RAD9B: variants seen among roughly 807,000 people sequenced by gnomAD.
RAD9B encodes cell cycle checkpoint control protein RAD9B.
Under a neutral mutation model 48.3 loss-of-function variants are expected in RAD9B, and 41 were observed. The observed-to-expected ratio is 0.85, with a 90% confidence interval of 0.66 to 1.10. The LOEUF (loss-of-function observed/expected upper bound fraction) is 1.10, where lower values mean the gene tolerates loss of function less well. Among genes scored for constraint, RAD9B ranks in the 50% least tolerant of loss-of-function variants. RAD9B has a pLI of 0.00. For synonymous variants in RAD9B, 160 were observed against 157.9 expected, an observed-to-expected ratio of 1.01 and a Z score of -0.10; for missense variants, 444 against 485.1, an observed-to-expected ratio of 0.92 and a Z score of 0.80.
At chr12:110,506,927 C>A (rs562118023) in intron 4 of RAD9B, among the ~76,000 whole-genome samples, 11 of 151,982 alleles carry the variant, frequency 7.2e-5, no homozygotes, top group Admixed American at 5.9e-4. Flanking sequence ...GCGACCTCCA[C>A]CTCGTGGGTT....
intron 1 of RAD9B, 177 bp downstream of exon 1, chr12:110,502,560 A>G: frequency 1.5e-6 from 1 of 662,972 alleles, no homozygotes; most frequent in South Asian, 1.9e-5. Context: ...GAGGATGAGG[A>G]CCCATCTCGT....
chr12:110,532,488 T>C lies in RAD9B; in HGVS notation c.*1835T>C, dbSNP rs570009038. Among the ~76,000 whole-genome samples the C allele has an allele frequency of 5.9e-5, 9 of 152,300 alleles. No homozygotes were observed. The highest frequency in any genetic ancestry group is 6.8e-3 in the Middle Eastern group (2 of 294). ...TGGGAGGCCCAGGTGGGCGGATCAG[T>C]TGAGCCCAGCAGTTCAAGACTAGCC... On this transcript the variant is annotated 3_prime_UTR_variant, in exon 11 of 11. Coordinates refer to ENST00000409300, the MANE Select transcript of RAD9B (RefSeq NM_001286535.2).
chr12:110,515,991 T>C (rs900683528), intron 6 of RAD9B, among the ~76,000 whole-genome samples: 2 of 152,054 alleles, frequency 1.3e-5, no homozygotes, highest in Admixed American at 6.6e-5. Context: ...TTGGACACTT[T>C]GGGAGGCTGA....
intron 10 of RAD9B, among the ~76,000 whole-genome samples, chr12:110,523,720 C>T (rs1432272360): frequency 1.3e-5 from 2 of 152,084 alleles, no homozygotes; most frequent in Non-Finnish European, 2.9e-5. Context: ...GCTTCAGGTC[C>T]CTGAAATTCA....
chr12:110,531,549 T>C lies in RAD9B; in HGVS notation c.*896T>C, dbSNP rs968052540. 6.8e-7 allele frequency: 1 copy of C among 1,471,396 alleles called. No homozygotes were observed. The highest frequency in any genetic ancestry group is 9.5e-7 in the Non-Finnish European group (1 of 1,054,796). 91.1% of individuals were successfully genotyped at this position (1,471,396 alleles called of 1,614,324 possible). On this transcript the variant is annotated 3_prime_UTR_variant, in exon 11 of 11. Transcript: ENST00000409300. ...TCCTAACCTCAAATTGTTCTGATTTTCAGATGTGATTTTTTATTTTGCAGT... is the reference window on the plus strand; with the variant it reads ...TCCTAACCTCAAATTGTTCTGATTTCCAGATGTGATTTTTTATTTTGCAGT...
chr12:110,515,960 T>TA (rs2063589932), intron 6 of RAD9B, among the ~76,000 whole-genome samples: 1 of 151,938 alleles, frequency 6.6e-6, no homozygotes, highest in East Asian at 1.9e-4. Context: ...TGAAAGCACA[T>TA]ATAAAGCACA....
intron 4 of RAD9B, 33 bp downstream of exon 4, chr12:110,506,726 TG>T (rs1280014178): frequency 2.0e-6 from 2 of 1,012,302 alleles, no homozygotes; most frequent in Non-Finnish European, 3.1e-6. Context: ...TAAAATACTA[TG>T]TTTTTTTCTC....
intron 10 of RAD9B, among the ~76,000 whole-genome samples, chr12:110,529,514 G>C (rs558294108): frequency 8.1e-4 from 124 of 152,164 alleles, no homozygotes; most frequent in Non-Finnish European, 1.5e-3. Flanking sequence ...ACTTTGGGAG[G>C]TGAAGGCAGG....
chr12:110,512,755 A>T, intron 4 of RAD9B, 24 bp from the exon 5 acceptor site: 1 of 925,560 alleles, frequency 1.1e-6, no homozygotes, highest in Non-Finnish European at 1.7e-6. Context: ...AAAATTATTA[A>T]GAGGTGGCTT....
At chr12:110,503,768 G>A in intron 1 of RAD9B, 38 bp from the exon 2 acceptor site, 1 of 1,442,820 alleles carries the variant, frequency 6.9e-7, no homozygotes, top group Middle Eastern at 1.7e-4. Flanking sequence ...ATTGTTAGAG[G>A]GAAAGAATAT....
intron 6 of RAD9B, 137 bp from the exon 7 acceptor site, chr12:110,518,539 G>C: frequency 1.8e-6 from 1 of 543,070 alleles, no homozygotes. Flanking sequence ...ATAGCATGCA[G>C]ATATCAGGTG....
chr12:110,522,251 C>A lies in RAD9B; in HGVS notation c.965C>A (p.Ala322Glu). 1.2e-6 allele frequency: 2 copies of A among 1,611,482 alleles called. No homozygotes were observed. Among genetic ancestry groups the A allele is most frequent in the Non-Finnish European group, 1.7e-6 (2 of 1,178,920 alleles). The change falls in exon 10 of 11, where the codon GCA (alanine) becomes GAA (glutamate). Residue 322 changes from alanine (A) to glutamate (E), a missense_variant. Transcript: ENST00000409300. Reference protein sequence around the residue: ...QALECISKKAAPRRLYPKETL... With the variant: ...QALECISKKAEPRRLYPKETL... ...CTGGAATGTATTTCAAAAAAAGCAG[C>A]ACCAAGAAGGCTTTATCCTAAGGAG...
At position 110,526,496 on chromosome 12, in the gene RAD9B, C is replaced by G. The variant is rs79148814; in HGVS notation, c.1126-4029C>G. On this transcript the variant is annotated intron_variant, in intron 10 of 10. Coordinates refer to ENST00000409300, the MANE Select transcript of RAD9B (RefSeq NM_001286535.2). ...TCTCATATAGCACCACAAACATTAT[C>G]AAGAGCTATTTGCACGTGATGATAT... 1.8e-3 allele frequency among the ~76,000 whole-genome samples: 278 copies of G among 152,312 alleles called. 2 individuals are homozygous for G. The highest frequency in any genetic ancestry group is 6.4e-3 in the African/African-American group (267 of 41,574).
intron 8 of RAD9B, 138 bp downstream of exon 8, chr12:110,519,076 G>A: frequency 1.6e-6 from 1 of 616,230 alleles, no homozygotes; most frequent in African/African-American, 1.9e-5. Flanking sequence ...CTAAAATTTT[G>A]AAAGATGCTA....
At chr12:110,511,368 T>C (rs2063453280) in intron 4 of RAD9B, 1 of 335,412 alleles carries the variant, frequency 3.0e-6, no homozygotes, top group Non-Finnish European at 6.2e-6. Context: ...GAAAATGTAG[T>C]ATATATACAC....
chr12:110,517,044 A>C (rs1486341490), intron 6 of RAD9B, among the ~76,000 whole-genome samples: 1 of 152,090 alleles, frequency 6.6e-6, no homozygotes, highest in African/African-American at 2.4e-5. Context: ...GAAACTATTA[A>C]AAGTAACATT....
At position 110,505,741 on chromosome 12, in the gene RAD9B, C is replaced by T. The variant is rs2063244193; in HGVS notation, c.242C>T (p.Thr81Ile). 6.2e-7 allele frequency: 1 copy of T among 1,612,014 alleles called. No homozygotes were observed. The highest frequency in any genetic ancestry group is 8.5e-7 in the Non-Finnish European group (1 of 1,179,062). Reference protein sequence around the residue: ...VKMSENELDTTLHLKCKLGMK... With the variant: ...VKMSENELDTILHLKCKLGMK... ...ATGAGTGAAAATGAACTTGACACAA[C>T]ACTGCATTTAAAATGCAAATTGGGA... is the stretch of plus-strand genomic sequence containing the variant. The change falls in exon 3 of 11, where the codon ACA (threonine) becomes ATA (isoleucine). Residue 81 changes from threonine (T) to isoleucine (I), a missense_variant. Transcript: ENST00000409300.
chr12:110,503,656 T>C, intron 1 of RAD9B, 150 bp from the exon 2 acceptor site: 1 of 631,834 alleles, frequency 1.6e-6, no homozygotes, highest in South Asian at 1.9e-5. Context: ...CCAAGGGTAT[T>C]ATACTGTATT....
intron 2 of RAD9B, among the ~76,000 whole-genome samples, chr12:110,505,265 T>C (rs1463673831): frequency 6.6e-6 from 1 of 152,062 alleles, no homozygotes; most frequent in Non-Finnish European, 1.5e-5. Flanking sequence ...ACAGGTTATG[T>C]CCTGTATATA....
Sources: gnomAD v4.1 joint callset for allele counts (sites outside exome capture counted in the v4.1 genomes callset) on GRCh38, gnomAD v4.1.1 for gene constraint, MANE v1.5 for transcripts, NCBI Gene and HGNC (gene_info 2026-07-23, HGNC 2026-07-21) for gene names.